Variants in RIMBP2 observed in about 807,000 individuals in gnomAD.
RIMBP2 encodes the protein RIMS-binding protein 2.
Under a neutral mutation model 118.6 loss-of-function variants are expected in RIMBP2, and 48 were observed. The ratio of observed to expected loss-of-function variants is 0.40; its 90% CI spans 0.32 to 0.51. The LOEUF (loss-of-function observed/expected upper bound fraction) is 0.51. Ranked by LOEUF, RIMBP2 falls within the 20% of genes least tolerant of loss-of-function variation. RIMBP2 has a pLI of 0.41. For synonymous variants in RIMBP2, 762 were observed against 742.9 expected (o/e 1.03, Z -0.42); for missense variants, 1,551 against 1,768.3 (o/e 0.88, Z 2.20).
At chr12:130,483,632 C>T (rs910677516) in intron 4 of RIMBP2, among the ~76,000 whole-genome samples, 1 of 151,206 alleles carries the variant, frequency 6.6e-6, no homozygotes, top group African/African-American at 2.4e-5. Flanking sequence ...GTGCCCAGAG[C>T]CCCCACCCTC....
intron 16 of RIMBP2, among the ~76,000 whole-genome samples, chr12:130,423,524 C>G (rs1191927214): frequency 1.3e-5 from 2 of 152,136 alleles, no homozygotes; most frequent in African/African-American, 4.8e-5. Flanking sequence ...CAATGAATCC[C>G]TATGCTCAAA....
chr12:130,399,633 T>G (rs754485387), intron 22 of RIMBP2, 46 bp downstream of exon 22: 1 of 1,607,196 alleles, frequency 6.2e-7, no homozygotes, highest in South Asian at 1.1e-5. Flanking sequence ...AGACCACATA[T>G]GGCAGAACGG....
chr12:130,602,908 A>G (rs1417513677), intron 2 of RIMBP2, among the ~76,000 whole-genome samples: 1 of 152,206 alleles, frequency 6.6e-6, no homozygotes, highest in Admixed American at 6.5e-5. Flanking sequence ...TCTATCAGGA[A>G]TAATTAACAC....
In RIMBP2 at chr12:130,475,730, G is replaced by C. The variant is rs1465988505; in HGVS notation, c.102+3182C>G. Among the ~76,000 whole-genome samples the C allele has an allele frequency of 6.6e-6, 1 of 152,090 alleles. No homozygotes were observed. Among genetic ancestry groups the C allele is most frequent in the East Asian group, 1.9e-4 (1 of 5,178 alleles). On this transcript the variant is annotated intron_variant, in intron 5 of 22. Transcript: ENST00000690449. The surrounding 1 kb of genome is among the most constrained non-coding windows in gnomAD (Gnocchi z 4.1). ...GGAACAAAGGAATGATGGGTACACA[G>C]AGAAGTAAGACAACAAGCAAACAAA...
intron 1 of RIMBP2, among the ~76,000 whole-genome samples, chr12:130,662,231 G>A (rs1262883970): frequency 6.6e-6 from 1 of 152,114 alleles, no homozygotes; most frequent in Non-Finnish European, 1.5e-5. Context: ...GGTCAGTCTG[G>A]GGCAATTCTC....
At chr12:130,480,399 C>T (rs1041942418) in intron 4 of RIMBP2, among the ~76,000 whole-genome samples, 2 of 152,178 alleles carry the variant, frequency 1.3e-5, no homozygotes, top group South Asian at 4.1e-4. Flanking sequence ...ATGTCTGCGG[C>T]CCCACGGGCC....
At chr12:130,548,313 A>C (rs1165033210) in intron 2 of RIMBP2, among the ~76,000 whole-genome samples, 1 of 152,154 alleles carries the variant, frequency 6.6e-6, no homozygotes, top group Non-Finnish European at 1.5e-5. Flanking sequence ...CCCCTTTGCC[A>C]CCATTTCTGG....
chr12:130,591,923 G>C (rs1194169277), intron 2 of RIMBP2, among the ~76,000 whole-genome samples: 1 of 152,182 alleles, frequency 6.6e-6, no homozygotes, highest in Non-Finnish European at 1.5e-5. Context: ...TGACAGCCTG[G>C]ATGGCTGCCC....
chr12:130,596,643 A>G lies in RIMBP2; in HGVS notation c.-217+31679T>C, dbSNP rs566827161. Among the ~76,000 whole-genome samples the G allele has an allele frequency of 3.2e-4, 48 of 152,350 alleles. 4 individuals are homozygous for G. The South Asian group carries it at 6.0e-3, about 19-fold the overall frequency. The stretch of plus-strand genomic sequence containing the variant: ...CTCTTCTGCCGTAGTCACAGTGTGT[A>G]ATGCGGTGCATGGGACACAGTAAGT... On this transcript the variant is annotated intron_variant, in intron 2 of 22. Transcript: ENST00000690449.
At chr12:130,655,594 T>C (rs954491629) in intron 1 of RIMBP2, among the ~76,000 whole-genome samples, 3 of 152,232 alleles carry the variant, frequency 2.0e-5, no homozygotes, top group African/African-American at 7.2e-5. Flanking sequence ...ATATGATCTA[T>C]GTTTGTAAAT....
intron 1 of RIMBP2, among the ~76,000 whole-genome samples, chr12:130,663,949 G>A (rs76240291): frequency 0.018 from 2,750 of 151,744 alleles, 180 homozygotes; most frequent in African/African-American, 0.064. Context: ...TTCACACAGC[G>A]AAGAACTGTG....
Position 130,517,821 on chromosome 12 carries a change from C to G in RIMBP2, c.-127+7G>C. 3.1e-6 allele frequency: 3 copies of G among 983,306 alleles called. No homozygotes were observed. Among genetic ancestry groups the G allele is most frequent in the Non-Finnish European group, 3.6e-6 (3 of 827,618 alleles). 60.9% of individuals were successfully genotyped at this position (983,306 alleles called of 1,614,324 possible). A position where few individuals can be genotyped will look rare whatever the true frequency, so the allele number is the denominator to read the frequency against. On this transcript the variant is annotated splice_region_variant and intron_variant, in intron 3 of 22. Coordinates refer to ENST00000690449, the MANE Select transcript of RIMBP2 (RefSeq NM_001393629.1). ...CCAGATGGTCTGTGGACAGTGGTAT[C>G]AGCTACCTTGTCATGCTGCCGGGCC... is the stretch of plus-strand genomic sequence containing the variant.
intron 1 of RIMBP2, among the ~76,000 whole-genome samples, chr12:130,693,503 T>C (rs983212783): frequency 2.6e-5 from 4 of 152,094 alleles, no homozygotes; most frequent in African/African-American, 9.7e-5. Flanking sequence ...TGCCCAGCAA[T>C]TGTGTGCAGA....
At chr12:130,452,654 C>T (rs11060896) in intron 7 of RIMBP2, among the ~76,000 whole-genome samples, 9 of 152,218 alleles carry the variant, frequency 5.9e-5, no homozygotes, top group Non-Finnish European at 1.3e-4. Flanking sequence ...GAGTGGCAGG[C>T]TCCACTTGTG....
intron 17 of RIMBP2, among the ~76,000 whole-genome samples, chr12:130,417,602 C>T (rs1239515387): frequency 2.0e-5 from 3 of 152,108 alleles, no homozygotes; most frequent in Non-Finnish European, 2.9e-5. Context: ...GGGCAAGGGC[C>T]GAGAAACTCC....
At chr12:130,438,334 A>AC (rs2077698840) in intron 12 of RIMBP2, 31 bp downstream of exon 12, 6 of 1,344,508 alleles carry the variant, frequency 4.5e-6, no homozygotes, top group Non-Finnish European at 5.3e-6. Context: ...GGGCCTAACA[A>AC]ACCCTCCCCA....
chr12:130,423,755 A>G (rs1320241020), intron 16 of RIMBP2, among the ~76,000 whole-genome samples: 1 of 151,710 alleles, frequency 6.6e-6, no homozygotes, highest in Non-Finnish European at 1.5e-5. Context: ...ATAACAAGGA[A>G]AAAAAACCCT....
Position 130,450,281 on chromosome 12 carries a change from G to C in RIMBP2, c.505-5C>G. 6.2e-7 allele frequency: 1 copy of C among 1,602,404 alleles called. No homozygotes were observed. The highest frequency in any genetic ancestry group is 8.5e-7 in the Non-Finnish European group (1 of 1,172,864). ...GGAATTCCGTTCATTCTCCATCTGT[G>C]AAAAAGGCAATGGGTGTGTGGGTTA... On this transcript the variant is annotated splice_region_variant and splice_polypyrimidine_tract_variant and intron_variant, in intron 8 of 22. Coordinates refer to ENST00000690449, the MANE Select transcript of RIMBP2 (RefSeq NM_001393629.1). The surrounding 1 kb of genome is among the most constrained non-coding windows in gnomAD (Gnocchi z 4.8).
chr12:130,537,706 G>A (rs774520207), intron 2 of RIMBP2, among the ~76,000 whole-genome samples: 9 of 152,154 alleles, frequency 5.9e-5, no homozygotes, highest in African/African-American at 2.2e-4. Context: ...ATCTCAAATT[G>A]CAAAGGAAAC....
Sources: gnomAD v4.1 joint callset for allele counts (sites outside exome capture counted in the v4.1 genomes callset) on GRCh38, gnomAD v4.1.1 for gene constraint, Gnocchi (gnomAD v3.1) non-coding constraint, MANE v1.5 for transcripts, NCBI Gene and HGNC (gene_info 2026-07-23, HGNC 2026-07-21) for gene names.